RBFOX1: variants seen among roughly 807,000 people sequenced by gnomAD.
RBFOX1 encodes RNA binding protein fox-1 homolog 1.
RBFOX1 carries 8 observed loss-of-function variants against 57.7 expected under a neutral mutation model. The ratio of observed to expected loss-of-function variants is 0.14; its 90% CI spans 0.08 to 0.25. RBFOX1 has a LOEUF of 0.25. RBFOX1 is among the 10% of genes least tolerant of loss of function. The pLI, the probability that RBFOX1 is intolerant of heterozygous loss-of-function variation, is 1.00. For missense variants in RBFOX1, 611 were observed against 548.5 expected (o/e 1.11, Z -1.14); for synonymous variants, 326 against 222.4 (o/e 1.47, Z -4.15).
At chr16:6,430,685 T>C (rs142277431) in intron 2 of RBFOX1, among the ~76,000 whole-genome samples, 1,537 of 152,152 alleles carry the variant, frequency 0.01, 31 homozygotes, top group African/African-American at 0.034. Context: ...CTTTGAATGC[T>C]GTGATGGGAA....
rs139624295 is a variant in RBFOX1 at position 6,845,645 on chromosome 16, T to C, written c.-16+190995T>C. On this transcript the variant is annotated intron_variant, in intron 3 of 15. Transcript: ENST00000550418. The stretch of plus-strand genomic sequence containing the variant: ...GGACACTATCACTTACGACCCTTCA[T>C]TGGTTTCTCATTCTACAAAGAGAAA... Among the ~76,000 whole-genome samples, 1,023 of 149,678 alleles carry C rather than the reference T, an allele frequency of 6.8e-3. 11 individuals are homozygous for C. The highest frequency in any genetic ancestry group is 0.01 in the Non-Finnish European group (682 of 66,792).
intron 3 of RBFOX1, among the ~76,000 whole-genome samples, chr16:6,961,127 A>G (rs556234856): frequency 2.6e-5 from 3 of 116,916 alleles, no homozygotes; most frequent in Non-Finnish European, 6.1e-5. Context: ...TGGGCAATAG[A>G]GACTCCATCA....
chr16:6,792,970 A>G (rs943166871), intron 3 of RBFOX1, among the ~76,000 whole-genome samples: 2 of 151,400 alleles, frequency 1.3e-5, no homozygotes, highest in Admixed American at 1.3e-4. Flanking sequence ...CAGAGGTTGC[A>G]GTGAGCTGAG....
In RBFOX1 at chr16:7,274,278, G is replaced by A. The variant is rs373125870; in HGVS notation, c.27+222180G>A. Among the ~76,000 whole-genome samples the A allele has an allele frequency of 9.2e-5, 14 of 152,244 alleles. No homozygotes were observed. In the South Asian group the frequency reaches 1.0e-3, roughly 11 times the overall value. ...GAACTGCTTGCATTGTCATTTAATC[G>A]TCACAACAGCCTCATAAAGGAGGTA... On this transcript the variant is annotated intron_variant, in intron 4 of 15. Transcript: ENST00000550418.
intron 1 of RBFOX1, among the ~76,000 whole-genome samples, chr16:5,455,809 G>C (rs983929066): frequency 2.2e-4 from 33 of 152,128 alleles, no homozygotes; most frequent in Admixed American, 1.3e-4. Context: ...TGCTTGGCTA[G>C]AGAACCCTGG....
intron 4 of RBFOX1, among the ~76,000 whole-genome samples, chr16:7,221,014 A>T (rs1185597820): frequency 6.6e-6 from 1 of 152,150 alleles, no homozygotes; most frequent in Non-Finnish European, 1.5e-5. Flanking sequence ...CAGCAATAAG[A>T]ACTTAGTTTA....
intron 3 of RBFOX1, among the ~76,000 whole-genome samples, chr16:5,693,767 G>T (rs745321012): frequency 6.6e-6 from 1 of 152,108 alleles, no homozygotes; most frequent in Non-Finnish European, 1.5e-5. Flanking sequence ...TTCTTTTTGC[G>T]TGGAATTCCT....
chr16:7,463,587 A>T (rs2059965050), intron 4 of RBFOX1, among the ~76,000 whole-genome samples: 1 of 152,206 alleles, frequency 6.6e-6, no homozygotes, highest in Non-Finnish European at 1.5e-5. Context: ...CCGTCTTCTA[A>T]TACCATCACC....
chr16:5,267,888 C>G (rs2062901488), intron 1 of RBFOX1, among the ~76,000 whole-genome samples: 1 of 152,064 alleles, frequency 6.6e-6, no homozygotes, highest in Admixed American at 6.6e-5. Flanking sequence ...TTGAGCACAG[C>G]CTGGCCAACA....
intron 2 of RBFOX1, among the ~76,000 whole-genome samples, chr16:5,531,546 C>T (rs964323514): frequency 1.3e-5 from 2 of 152,170 alleles, no homozygotes; most frequent in Non-Finnish European, 2.9e-5. Context: ...AGCCTTGGCT[C>T]TGCTACATTC....
intron 1 of RBFOX1, among the ~76,000 whole-genome samples, chr16:5,300,264 T>C (rs533700001): frequency 6.6e-6 from 1 of 152,206 alleles, no homozygotes; most frequent in African/African-American, 2.4e-5. Context: ...TATTTTTTCT[T>C]GTATGCACAT....
At chr16:7,105,529 C>G (rs1336209211) in intron 4 of RBFOX1, among the ~76,000 whole-genome samples, 1 of 151,974 alleles carries the variant, frequency 6.6e-6, no homozygotes, top group East Asian at 1.9e-4. Context: ...ATTCTTATGC[C>G]TTTGCTTCCT....
At chr16:7,632,886 A>G (rs1596952831) in intron 11 of RBFOX1, among the ~76,000 whole-genome samples, 4 of 151,622 alleles carry the variant, frequency 2.6e-5, no homozygotes, top group Admixed American at 2.6e-4. Context: ...TTCTTTACAG[A>G]AGTGAACAAA....
intron 2 of RBFOX1, among the ~76,000 whole-genome samples, chr16:6,556,405 G>T (rs1463354833): frequency 6.6e-6 from 1 of 152,178 alleles, no homozygotes; most frequent in Non-Finnish European, 1.5e-5. Flanking sequence ...AATGTTGAAT[G>T]TGGTGAATAA....
intron 3 of RBFOX1, among the ~76,000 whole-genome samples, chr16:6,788,867 A>T (rs2082425160): frequency 6.6e-6 from 1 of 152,092 alleles, no homozygotes; most frequent in Admixed American, 6.6e-5. Context: ...CACTTCTGAG[A>T]AATACTGTCA....
At chr16:7,107,721 A>G (rs1204194527) in intron 4 of RBFOX1, among the ~76,000 whole-genome samples, 1 of 152,114 alleles carries the variant, frequency 6.6e-6, no homozygotes, top group Non-Finnish European at 1.5e-5. Flanking sequence ...TATAAATGGA[A>G]TCATAGAGGA....
chr16:7,378,119 A>G (rs570465438), intron 4 of RBFOX1, among the ~76,000 whole-genome samples: 445 of 152,350 alleles, frequency 2.9e-3, no homozygotes, highest in Non-Finnish European at 5.4e-3. Flanking sequence ...GAAGTAGATC[A>G]GTCAGATGGA....
intron 3 of RBFOX1, among the ~76,000 whole-genome samples, chr16:6,851,120 T>TG (rs1312399959): frequency 1.3e-5 from 2 of 152,034 alleles, no homozygotes; most frequent in African/African-American, 4.8e-5. Flanking sequence ...TTGTGGTGAG[T>TG]GGAAAAAAAG....
chr16:7,193,798 A>G (rs2152662836), intron 4 of RBFOX1, among the ~76,000 whole-genome samples: 1 of 152,346 alleles, frequency 6.6e-6, no homozygotes, highest in South Asian at 2.1e-4. Flanking sequence ...AACAGGTCCT[A>G]GAAGATATTA....
Sources: allele counts gnomAD v4.1 joint callset (sites outside exome capture counted in the v4.1 genomes callset), GRCh38; gene constraint gnomAD v4.1.1; transcripts MANE v1.5; gene names NCBI Gene and HGNC (gene_info 2026-07-23, HGNC 2026-07-21).